Variants in MED12L observed in about 807,000 individuals in gnomAD.
MED12L encodes mediator of RNA polymerase II transcription subunit 12-like protein.
MED12L carries 60 observed loss-of-function variants against 281.3 expected under a neutral mutation model. The ratio of observed to expected loss-of-function variants is 0.21; its 90% confidence interval spans 0.17 to 0.26. MED12L has a LOEUF of 0.26. Among genes scored for constraint, MED12L ranks in the 10% least tolerant of loss-of-function variants. The pLI, the probability that MED12L is intolerant of heterozygous loss-of-function variation, is 1.00. For synonymous variants in MED12L, 974 were observed against 987.2 expected (o/e 0.99, Z 0.25); for missense variants, 2,146 against 2,680.9 (o/e 0.80, Z 4.41).
rs148689221 is a variant in MED12L, at chr3:151,432,756, C to G, written c.6495C>G (p.Asn2165Lys). The change falls in exon 45 of 45, where the codon AAC becomes AAG. Residue 2165 changes from asparagine to lysine, a missense_variant. Asn to Lys is a moderately conservative substitution (Grantham distance 94). This residue lies in a region of MED12L where 25 missense variants were observed against 24.9 expected (regional missense o/e 1.00). Coordinates refer to ENST00000687756, the MANE Select transcript of MED12L (RefSeq NM_001393769.1). ...TCAATTTATTTTTCTCCTTAGGCAA[C>G]CAGCCACAGCAAGGAGTGACTCCGT... ...VRQLQKQLSS[N>K]QPQQGVTPYG... is the part of the protein sequence containing the mutation. The G allele has an allele frequency of 2.5e-5, 41 of 1,612,778 alleles. No individual in the cohort carries two copies. The African/African-American group carries it at 5.3e-4, about 21-fold the overall frequency.
chr3:151,260,687 A>T (rs747114724), intron 16 of MED12L, among the ~76,000 whole-genome samples: 2 of 152,288 alleles, frequency 1.3e-5, no homozygotes, highest in East Asian at 3.9e-4. Context: ...ACATAAGTAC[A>T]GCTCAATGCT....
At chr3:151,294,685 G>A (rs1264236099) in intron 16 of MED12L, 1 of 1,614,156 alleles carries the variant, frequency 6.2e-7, no homozygotes, top group Non-Finnish European at 8.5e-7. Flanking sequence ...CATGGATATT[G>A]TCCTCTGTTG....
At position 151,433,741 on chromosome 3, in the gene MED12L, C is replaced by T. The variant is rs1217778765; in HGVS notation, c.*937C>T. ...GACATGGTTTCCAGAGAATCTGGCC[C>T]CAAAGTCCAGAAGGCTCTGGTTTTC... is the stretch of plus-strand genomic sequence containing the variant. On this transcript the variant is annotated 3_prime_UTR_variant, in exon 45 of 45. Transcript: ENST00000687756. 4 of 152,552 alleles carry T rather than the reference C, an allele frequency of 2.6e-5. No individual in the cohort carries two copies. The highest frequency in any genetic ancestry group is 5.9e-5 in the Non-Finnish European group (4 of 68,032). The allele number at this position is 152,552 out of a possible 1,614,324, so 9.4% of individuals were successfully genotyped here.
intron 16 of MED12L, among the ~76,000 whole-genome samples, chr3:151,207,197 A>G (rs1386123868): frequency 6.6e-6 from 1 of 152,142 alleles, no homozygotes; most frequent in East Asian, 1.9e-4. Context: ...AACTAGGACT[A>G]CAGGGGCACA....
At chr3:151,099,202 A>T (rs1381797350) in intron 2 of MED12L, among the ~76,000 whole-genome samples, 2 of 152,216 alleles carry the variant, frequency 1.3e-5, no homozygotes, top group Admixed American at 1.3e-4. Flanking sequence ...CGTTATTTGG[A>T]TGGCAGAATC....
chr3:151,320,201 C>A (rs1331366998), intron 16 of MED12L, among the ~76,000 whole-genome samples: 1 of 152,110 alleles, frequency 6.6e-6, no homozygotes, highest in African/African-American at 2.4e-5. Flanking sequence ...TCTCATTTTT[C>A]TGTATCACTA....
intron 4 of MED12L, among the ~76,000 whole-genome samples, chr3:151,124,600 C>T (rs552608464): frequency 6.6e-6 from 1 of 152,254 alleles, no homozygotes; most frequent in African/African-American, 2.4e-5. Context: ...TTCATCTGTG[C>T]GATGGCTTAA....
intron 16 of MED12L, among the ~76,000 whole-genome samples, chr3:151,222,927 A>C (rs1729671549): frequency 6.6e-6 from 1 of 152,150 alleles, no homozygotes. Flanking sequence ...ATTTCATCAT[A>C]ATCTTCCCAT....
At chr3:151,229,409 C>T (rs368271139) in intron 16 of MED12L, among the ~76,000 whole-genome samples, 15 of 148,644 alleles carry the variant, frequency 1.0e-4, no homozygotes, top group East Asian at 4.0e-4. Flanking sequence ...CGGGTTCAAG[C>T]GATTCTCCTG....
At chr3:151,112,982 A>G (rs998795064) in intron 2 of MED12L, among the ~76,000 whole-genome samples, 2 of 152,222 alleles carry the variant, frequency 1.3e-5, no homozygotes, top group Non-Finnish European at 2.9e-5. Flanking sequence ...GCGTTTGTCA[A>G]CAAAATAAAG....
At chr3:151,252,583 TTACTTA>T (rs1737058453) in intron 16 of MED12L, among the ~76,000 whole-genome samples, 1 of 152,214 alleles carries the variant, frequency 6.6e-6, no homozygotes, top group Non-Finnish European at 1.5e-5. Context: ...CTTTCAAGTT[TTACTTA>T]TACTTGTGTT....
chr3:151,162,219 G>C (rs1489275412), intron 8 of MED12L, among the ~76,000 whole-genome samples: 1 of 152,088 alleles, frequency 6.6e-6, no homozygotes, highest in Non-Finnish European at 1.5e-5. Context: ...AAGGACACAA[G>C]GAAGGGCTCT....
At chr3:151,197,904 T>A (rs910915219) in intron 16 of MED12L, 1 of 152,586 alleles carries the variant, frequency 6.6e-6, no homozygotes, top group Non-Finnish European at 1.5e-5. Flanking sequence ...CATTAAAAAT[T>A]GGAGGAATAA....
intron 16 of MED12L, among the ~76,000 whole-genome samples, chr3:151,281,883 G>A (rs1742862850): frequency 6.6e-6 from 1 of 152,074 alleles, no homozygotes; most frequent in South Asian, 2.1e-4. Flanking sequence ...TTTAACACAC[G>A]TAATCCCCAA....
intron 11 of MED12L, among the ~76,000 whole-genome samples, chr3:151,172,384 G>C (rs1185667255): frequency 6.6e-6 from 1 of 152,220 alleles, no homozygotes; most frequent in Non-Finnish European, 1.5e-5. Flanking sequence ...ATTACTGACT[G>C]ATGTATATAG....
At position 151,263,734 on chromosome 3, in the gene MED12L, C is replaced by A. The variant is rs78816063; in HGVS notation, c.2250+70068C>A. Among the ~76,000 whole-genome samples, 462 of 144,082 alleles carry A rather than the reference C, an allele frequency of 3.2e-3. 3 individuals carry two copies. Among genetic ancestry groups the A allele is most frequent in the African/African-American group, 0.012 (443 of 37,432 alleles). The allele number at this position is 144,082 out of a possible 152,430, so 94.5% of individuals were successfully genotyped here. Reference sequence around the variant, plus strand: ...ATATAGAGATTAAGAATGCAGGCTACAGGGTTGGAATTCCTGGATTCCCGT... The same window carrying A: ...ATATAGAGATTAAGAATGCAGGCTAAAGGGTTGGAATTCCTGGATTCCCGT... On this transcript the variant is annotated intron_variant, in intron 16 of 44. Coordinates refer to ENST00000687756, the MANE Select transcript of MED12L (RefSeq NM_001393769.1).
At chr3:151,333,488 A>G (rs1750581875) in intron 16 of MED12L, among the ~76,000 whole-genome samples, 1 of 152,178 alleles carries the variant, frequency 6.6e-6, no homozygotes, top group Non-Finnish European at 1.5e-5. Context: ...GCATTTCTCT[A>G]ACAACATGCC....
chr3:151,118,373 ATTAC>A lies in MED12L; in HGVS notation c.204+1935_204+1938del, dbSNP rs759893433. On this transcript the variant is annotated intron_variant, in intron 3 of 44. Transcript: ENST00000687756. Reference sequence around the variant, plus strand: ...AATTTGTTAAACTATCAACTGAAATATTACTTAAGCAGTGTGAAAGAACATAGAA... The same window carrying A: ...AATTTGTTAAACTATCAACTGAAATATTAAGCAGTGTGAAAGAACATAGAA... 2.7e-3 allele frequency among the ~76,000 whole-genome samples: 409 copies of A among 152,334 alleles called. 1 individual carries two copies. Among genetic ancestry groups the A allele is most frequent in the Middle Eastern group, 6.8e-3 (2 of 294 alleles).
At chr3:151,262,385 GAT>G (rs1739074017) in intron 16 of MED12L, among the ~76,000 whole-genome samples, 2 of 152,210 alleles carry the variant, frequency 1.3e-5, no homozygotes, top group African/African-American at 2.4e-5. Context: ...TGCACACTGA[GAT>G]ATCTCCAGAC....
Sources: gnomAD v4.1 joint callset for allele counts (sites outside exome capture counted in the v4.1 genomes callset) on GRCh38, gnomAD v4.1.1 for gene constraint, gnomAD v4.1.1 regional missense constraint, MANE v1.5 for transcripts, NCBI Gene and HGNC (gene_info 2026-07-23, HGNC 2026-07-21) for gene names.